HSPA1A: variants seen among roughly 807,000 people sequenced by gnomAD.
The protein encoded by HSPA1A is heat shock 70 kDa protein 1A.
Under a neutral mutation model 8.8 loss-of-function variants are expected in HSPA1A, and 5 were observed. The observed-to-expected ratio is 0.57, with a 90% CI of 0.30 to 1.19. The LOEUF is 1.19. HSPA1A is among the 50% of genes most tolerant of loss of function. The pLI, the probability that HSPA1A is intolerant of heterozygous loss-of-function variation, is 0.08. For missense variants in HSPA1A, 207 were observed against 430.7 expected (o/e 0.48, Z 4.60); for synonymous variants, 112 against 188.4 (o/e 0.59, Z 3.32).
Position 31,817,469 on chromosome 6 carries a change from G to A in HSPA1A, c.1713G>A (p.Leu571=). Residue 571 remains leucine, a synonymous_variant, in exon 1 of 1, where the codon CTG becomes CTA. Coordinates refer to ENST00000375651, the MANE Select transcript of HSPA1A (RefSeq NM_005345.6). ...GCGAGGCGGACAAGAAGAAGGTGCT[G>A]GACAAGTGTCAAGAGGTCATCTCGT... The part of the protein sequence containing the change: ...KISEADKKKV[L]DKCQEVISWL... 2 of 1,612,722 alleles carry A rather than the reference G, an allele frequency of 1.2e-6. No homozygotes were observed. The highest frequency in any genetic ancestry group is 1.7e-6 in the Non-Finnish European group (2 of 1,179,904).
rs1815883672 is a variant in HSPA1A, at chr6:31,815,635, G to T, written c.-122G>T. ...AGGCTTCCCAGAGCGAACCTGTGCG[G>T]CTGCAGGCACCGGCGCGTCGAGTTT... On this transcript the variant is annotated 5_prime_UTR_variant, in exon 1 of 1. Coordinates refer to ENST00000375651, the MANE Select transcript of HSPA1A (RefSeq NM_005345.6). The T allele has an allele frequency of 6.2e-7, 1 of 1,609,650 alleles. No homozygotes were observed. Among genetic ancestry groups the T allele is most frequent in the South Asian group, 1.1e-5 (1 of 90,824 alleles).
In HSPA1A at chr6:31,815,754, G is replaced by C. The variant is rs779524645; in HGVS notation, c.-3G>C. The C allele has an allele frequency of 1.5e-5, 24 of 1,613,958 alleles. No individual in the cohort carries two copies. Among genetic ancestry groups the C allele is most frequent in the Admixed American group, 3.3e-5 (2 of 60,024 alleles). Reference sequence around the variant, plus strand: ...CGGAGCCGACAGAGAGCAGGGAACCGGCATGGCCAAAGCCGCGGCGATCGG... The same window carrying C: ...CGGAGCCGACAGAGAGCAGGGAACCCGCATGGCCAAAGCCGCGGCGATCGG... On this transcript the variant is annotated 5_prime_UTR_variant, in exon 1 of 1. Transcript: ENST00000375651.
In HSPA1A at chr6:31,817,821, G is replaced by A. The variant is rs368938912; in HGVS notation, c.*139G>A. On this transcript the variant is annotated 3_prime_UTR_variant, in exon 1 of 1. Coordinates refer to ENST00000375651, the MANE Select transcript of HSPA1A (RefSeq NM_005345.6). ...GAAGTACTGAACTTGCTTTTTTTCC[G>A]GTTTCTACATGCAGAGATGAATTTA... The A allele has an allele frequency of 3.5e-5, 51 of 1,458,222 alleles. No individual in the cohort carries two copies. The highest frequency in any genetic ancestry group is 2.7e-4 in the African/African-American group (19 of 69,960). The allele number at this position is 1,458,222 out of a possible 1,614,324, so 90.3% of individuals were successfully genotyped here. A position where few individuals can be genotyped will look rare whatever the true frequency, so the allele number is the denominator to read the frequency against.
chr6:31,815,762 C>A lies in HSPA1A; in HGVS notation c.6C>A (p.Ala2=). 6.2e-7 allele frequency: 1 copy of A among 1,613,962 alleles called. No individual in the cohort carries two copies. Among genetic ancestry groups the A allele is most frequent in the Non-Finnish European group, 8.5e-7 (1 of 1,180,024 alleles). ...ACAGAGAGCAGGGAACCGGCATGGC[C>A]AAAGCCGCGGCGATCGGCATCGACC... The part of the protein sequence containing the change: M[A]KAAAIGIDLG... The change falls in exon 1 of 1, where the codon GCC becomes GCA. Residue 2 remains alanine (A), a synonymous_variant. Coordinates refer to ENST00000375651, the MANE Select transcript of HSPA1A (RefSeq NM_005345.6).
chr6:31,815,811 G>A lies in HSPA1A; in HGVS notation c.55G>A (p.Gly19Arg). 5.0e-6 allele frequency: 8 copies of A among 1,612,012 alleles called. No homozygotes were observed. The highest frequency in any genetic ancestry group is 6.8e-6 in the Non-Finnish European group (8 of 1,179,158). The change falls in exon 1 of 1, where the codon GGG becomes AGG. Residue 19 changes from glycine to arginine, a missense_variant. Coordinates refer to ENST00000375651, the MANE Select transcript of HSPA1A (RefSeq NM_005345.6). The part of the protein sequence containing the change: ...IDLGTTYSCV[G>R]VFQHGKVEII... ...CCTGGGCACCACCTACTCCTGCGTG[G>A]GGGTGTTCCAACACGGCAAGGTGGA...
In HSPA1A at chr6:31,815,669, C is replaced by CG. The variant is rs1244771669; in HGVS notation, c.-86dup. 1.9e-6 allele frequency: 3 copies of CG among 1,613,024 alleles called. No individual in the cohort carries two copies. The highest frequency in any genetic ancestry group is 1.7e-6 in the Non-Finnish European group (2 of 1,179,946). On this transcript the variant is annotated 5_prime_UTR_variant, in exon 1 of 1. Coordinates refer to ENST00000375651, the MANE Select transcript of HSPA1A (RefSeq NM_005345.6). ...ACCGGCGCGTCGAGTTTCCGGCGTC[C>CG]GGAAGGACCGAGCTCTTCTCGCGGA...
rs1438689851 is a variant in HSPA1A, at chr6:31,817,460, G to A, written c.1704G>A (p.Lys568=). ...GCAAGATCAGCGAGGCGGACAAGAA[G>A]AAGGTGCTGGACAAGTGTCAAGAGG... ...LKGKISEADK[K]KVLDKCQEVI... is the part of the protein sequence containing the mutation. Residue 568 remains lysine (K), a synonymous_variant, in exon 1 of 1, where the codon AAG becomes AAA. Transcript: ENST00000375651. 1.9e-6 allele frequency: 3 copies of A among 1,612,630 alleles called. No individual in the cohort carries two copies. Among genetic ancestry groups the A allele is most frequent in the Admixed American group, 3.3e-5 (2 of 59,982 alleles).
In HSPA1A at chr6:31,815,559, A is replaced by T. The variant is rs544785546; in HGVS notation, c.-198A>T. 4.6e-6 allele frequency: 6 copies of T among 1,312,714 alleles called. No individual in the cohort carries two copies. The South Asian group carries it at 7.6e-5, about 17-fold the overall frequency. 81.3% of individuals were successfully genotyped at this position (1,312,714 alleles called of 1,614,324 possible). The stretch of plus-strand genomic sequence containing the variant: ...GGTCCGGATAACGGCTAGCCTGAGG[A>T]GCTGCTGCGACAGTCCACTACCTTT... On this transcript the variant is annotated 5_prime_UTR_variant, in exon 1 of 1. Transcript: ENST00000375651.
In HSPA1A at chr6:31,817,645, G is replaced by A; in HGVS notation, c.1889G>A (p.Gly630Glu). ...TTCGGGGCTCAGGGTCCCAAGGGAG[G>A]GTCTGGGTCAGGCCCCACCATTGAG... The part of the protein sequence containing the change: ...GGFGAQGPKG[G>E]SGSGPTIEEV... The change falls in exon 1 of 1, where the codon GGG becomes GAG. Residue 630 changes from glycine (G) to glutamate (E), a missense_variant. Physicochemically the swap from Gly to Glu is moderately conservative, Grantham distance 98 (BLOSUM62 -2). Transcript: ENST00000375651. The A allele has an allele frequency of 6.2e-7, 1 of 1,612,916 alleles. No homozygotes were observed. The highest frequency in any genetic ancestry group is 8.5e-7 in the Non-Finnish European group (1 of 1,179,986).
In HSPA1A at chr6:31,817,365, TC is replaced by T. The variant is rs759458392; in HGVS notation, c.1610del (p.Ser537Ter). 1 of 1,601,254 alleles carries T rather than the reference TC, an allele frequency of 6.2e-7. No individual in the cohort carries two copies. Among genetic ancestry groups the T allele is most frequent in the Non-Finnish European group, 8.5e-7 (1 of 1,176,082 alleles). ...AEDEVQRERV[S>X]AKNALESYAF... ...GGACGAGGTGCAGCGCGAGAGGGTG[TC>T]AGCCAAGAACGCCCTGGAGTCCTAC... is the stretch of plus-strand genomic sequence containing the variant. On this transcript the variant is annotated frameshift_variant, in exon 1 of 1. Transcript: ENST00000375651. LOFTEE classifies it low-confidence loss of function (END_TRUNC).
In HSPA1A at chr6:31,816,026, G is replaced by A; in HGVS notation, c.270G>A (p.Trp90Ter). 1 of 1,077,866 alleles carries A rather than the reference G, an allele frequency of 9.3e-7. No individual in the cohort carries two copies. The highest frequency in any genetic ancestry group is 2.7e-5 in the East Asian group (1 of 37,214). The allele number at this position is 1,077,866 out of a possible 1,614,324, so 66.8% of individuals were successfully genotyped here. A position where few individuals can be genotyped will look rare whatever the true frequency, so the allele number is the denominator to read the frequency against. ...DPVVQSDMKH[W>*]PFQVINDGDK... ...TGGTGCAGTCGGACATGAAGCACTG[G>A]CCTTTCCAGGTGATCAACGACGGAG... The change falls in exon 1 of 1, where the codon TGG (tryptophan) becomes TGA (stop). Residue 90 changes from tryptophan (W) to a stop codon, truncating the protein, a stop_gained. Transcript: ENST00000375651. LOFTEE classifies it high-confidence loss of function.
rs755705482 is a variant in HSPA1A at position 31,815,749 on chromosome 6, G to A, written c.-8G>A. On this transcript the variant is annotated 5_prime_UTR_variant, in exon 1 of 1. Transcript: ENST00000375651. ...CAGAGCGGAGCCGACAGAGAGCAGG[G>A]AACCGGCATGGCCAAAGCCGCGGCG... 8.1e-6 allele frequency: 13 copies of A among 1,613,876 alleles called. No homozygotes were observed. The Admixed American group carries it at 1.2e-4, about 14-fold the overall frequency.
chr6:31,815,654 C>G lies in HSPA1A; in HGVS notation c.-103C>G. ...TGTGCGGCTGCAGGCACCGGCGCGT[C>G]GAGTTTCCGGCGTCCGGAAGGACCG... On this transcript the variant is annotated 5_prime_UTR_variant, in exon 1 of 1. Transcript: ENST00000375651. The G allele has an allele frequency of 3.1e-6, 5 of 1,612,558 alleles. No individual in the cohort carries two copies. Among genetic ancestry groups the G allele is most frequent in the Admixed American group, 1.7e-5 (1 of 59,954 alleles).
At position 31,815,991 on chromosome 6, in the gene HSPA1A, G is replaced by A. The variant is rs1815937213; in HGVS notation, c.235G>A (p.Gly79Ser). Residue 79 changes from glycine to serine, a missense_variant, in exon 1 of 1, where the codon GGC becomes AGC. Gly to Ser is a moderately conservative substitution (Grantham distance 56). Transcript: ENST00000375651. ...DAKRLIGRKF[G>S]DPVVQSDMKH... is the part of the protein sequence containing the mutation. Reference sequence around the variant, plus strand: ...GAAGCGGCTGATTGGCCGCAAGTTCGGCGACCCGGTGGTGCAGTCGGACAT... The same window carrying A: ...GAAGCGGCTGATTGGCCGCAAGTTCAGCGACCCGGTGGTGCAGTCGGACAT... 3 of 1,379,918 alleles carry A rather than the reference G, an allele frequency of 2.2e-6. No homozygotes were observed. The highest frequency in any genetic ancestry group is 2.6e-5 in the East Asian group (1 of 38,968). 85.5% of individuals were successfully genotyped at this position (1,379,918 alleles called of 1,614,324 possible).
rs1816024162 is a variant in HSPA1A, at chr6:31,817,598, C to T, written c.1842C>T (p.Ala614=). ...TCATCAGCGGACTGTACCAGGGTGC[C>T]GGTGGTCCCGGGCCTGGGGGCTTCG... ...NPIISGLYQG[A]GGPGPGGFGA... is the part of the protein sequence containing the mutation. Residue 614 remains alanine (A), a synonymous_variant, in exon 1 of 1, where the codon GCC becomes GCT. Coordinates refer to ENST00000375651, the MANE Select transcript of HSPA1A (RefSeq NM_005345.6). 1 of 1,612,788 alleles carries T rather than the reference C, an allele frequency of 6.2e-7. No individual in the cohort carries two copies. Among genetic ancestry groups the T allele is most frequent in the Non-Finnish European group, 8.5e-7 (1 of 1,179,986 alleles).
In HSPA1A at chr6:31,816,273, A is replaced by G; in HGVS notation, c.517A>G (p.Ile173Val). The G allele has an allele frequency of 1.0e-5, 3 of 292,258 alleles. No homozygotes were observed. Among genetic ancestry groups the G allele is most frequent in the East Asian group, 6.0e-5 (1 of 16,784 alleles). 18.1% of individuals were successfully genotyped at this position (292,258 alleles called of 1,614,324 possible). A position where few individuals can be genotyped will look rare whatever the true frequency, so the allele number is the denominator to read the frequency against. Residue 173 changes from isoleucine to valine, a missense_variant, in exon 1 of 1, where the codon ATC becomes GTC. This residue lies in a region of HSPA1A where 6 missense variants were observed against 109.6 expected (regional missense o/e 0.05). Transcript: ENST00000375651. Reference sequence around the variant, plus strand: ...CGCGGGGCTCAACGTGCTGCGGATCATCAACGAGCCCACGGCCGCCGCCAT... The same window carrying G: ...CGCGGGGCTCAACGTGCTGCGGATCGTCAACGAGCCCACGGCCGCCGCCAT... ...VIAGLNVLRI[I>V]NEPTAAAIAY...
Position 31,817,685 on chromosome 6 carries a change from GC to G in HSPA1A, c.*5del, listed in dbSNP as rs752068654. The G allele has an allele frequency of 3.7e-6, 6 of 1,605,460 alleles. No homozygotes were observed. In the South Asian group the frequency reaches 6.6e-5, roughly 18 times the overall value. The stretch of plus-strand genomic sequence containing the variant: ...CCACCATTGAGGAGGTAGATTAGGG[GC>G]CTTTCCAAGATTGCTGTTTTTGTTT... On this transcript the variant is annotated 3_prime_UTR_variant, in exon 1 of 1. Coordinates refer to ENST00000375651, the MANE Select transcript of HSPA1A (RefSeq NM_005345.6).
chr6:31,817,363 T>C lies in HSPA1A; in HGVS notation c.1607T>C (p.Val536Ala), dbSNP rs746965839. ...KAEDEVQRER[V>A]SAKNALESYA... ...GAGGACGAGGTGCAGCGCGAGAGGG[T>C]GTCAGCCAAGAACGCCCTGGAGTCC... The change falls in exon 1 of 1, where the codon GTG becomes GCG. Residue 536 changes from valine (V) to alanine (A), a missense_variant. Val to Ala is a moderately conservative substitution (Grantham distance 64). This residue lies in a region of HSPA1A where 11 missense variants were observed against 44.4 expected (regional missense o/e 0.25). Coordinates refer to ENST00000375651, the MANE Select transcript of HSPA1A (RefSeq NM_005345.6). 6 of 1,598,278 alleles carry C rather than the reference T, an allele frequency of 3.8e-6. No individual in the cohort carries two copies. Among genetic ancestry groups the C allele is most frequent in the Non-Finnish European group, 5.1e-6 (6 of 1,174,746 alleles).
chr6:31,815,778 G>A lies in HSPA1A; in HGVS notation c.22G>A (p.Gly8Ser). 1.2e-6 allele frequency: 2 copies of A among 1,613,770 alleles called. No individual in the cohort carries two copies. The highest frequency in any genetic ancestry group is 1.7e-6 in the Non-Finnish European group (2 of 1,180,006). The change falls in exon 1 of 1, where the codon GGC becomes AGC. Residue 8 changes from glycine (G) to serine (S), a missense_variant. Around this residue, in one of 5 missense-constraint regions of HSPA1A, gnomAD observed 129 missense variants for 173.1 expected, o/e 0.75. Transcript: ENST00000375651. ...CGGCATGGCCAAAGCCGCGGCGATC[G>A]GCATCGACCTGGGCACCACCTACTC... MAKAAAI[G>S]IDLGTTYSCV...
Sources: gnomAD v4.1 joint callset for allele counts on GRCh38, gnomAD v4.1.1 for gene constraint, gnomAD v4.1.1 regional missense constraint, MANE v1.5 for transcripts, NCBI Gene and HGNC (gene_info 2026-07-23, HGNC 2026-07-21) for gene names.